The following PCDHGA12 variants were observed in gnomAD, a reference collection of about 807,000 sequenced individuals.
PCDHGA12 encodes protocadherin gamma-A12.
A neutral mutation model predicts 61.1 loss-of-function variants in PCDHGA12; 43 were observed. The ratio of observed to expected loss-of-function variants is 0.70; its 90% CI spans 0.55 to 0.91. The LOEUF is 0.91. PCDHGA12 is among the 40% of genes least tolerant of loss of function. The pLI, the probability that PCDHGA12 is intolerant of heterozygous loss-of-function variation, is 0.00. For missense variants in PCDHGA12, 1,236 were observed against 1,227.7 expected, an observed-to-expected ratio of 1.01 and a Z score of -0.10; for synonymous variants, 520 against 542.9, an observed-to-expected ratio of 0.96 and a Z score of 0.59.
At position 141,511,373 on chromosome 5, in the gene PCDHGA12, G is replaced by C. The variant is rs1361376059; in HGVS notation, c.*200G>C. 16 of 1,251,214 alleles carry C rather than the reference G, an allele frequency of 1.3e-5. No homozygotes were observed. Among genetic ancestry groups the C allele is most frequent in the Non-Finnish European group, 1.4e-5 (13 of 925,282 alleles). The allele number at this position is 1,251,214 out of a possible 1,614,324, so 77.5% of individuals were successfully genotyped here. A position where few individuals can be genotyped will look rare whatever the true frequency, so the allele number is the denominator to read the frequency against. ...CCCCCAGGGGGTTGAATATGCAAAAGCAGTTCCGCTGGGAACCCCCATCCA... is the reference window on the plus strand; with the variant it reads ...CCCCCAGGGGGTTGAATATGCAAAACCAGTTCCGCTGGGAACCCCCATCCA... On this transcript the variant is annotated 3_prime_UTR_variant, in exon 4 of 4. Transcript: ENST00000252085.
chr5:141,456,550 C>T (rs1017343381), intron 1 of PCDHGA12, among the ~76,000 whole-genome samples: 2 of 152,166 alleles, frequency 1.3e-5, no homozygotes, highest in African/African-American at 4.8e-5. Context: ...TGTAGCCACT[C>T]GGGGCTGAAG....
At chr5:141,460,459 T>A (rs2098989808) in intron 1 of PCDHGA12, among the ~76,000 whole-genome samples, 1 of 152,176 alleles carries the variant, frequency 6.6e-6, no homozygotes, top group South Asian at 2.1e-4. Flanking sequence ...ATTCATATTT[T>A]TTTCCAAAGG....
chr5:141,490,050 C>T lies in PCDHGA12; in HGVS notation c.2425-4757C>T, dbSNP rs1400735375. On this transcript the variant is annotated intron_variant, in intron 1 of 3. Transcript: ENST00000252085. This position sits in a 1 kb window ranked among gnomAD's most constrained non-coding sequence, Gnocchi z 5.4. ...TCCGCCTCAATGCCACTGATCCAGA[C>T]GAGGGCACCAACGGCCAACTAGACT... The T allele has an allele frequency of 1.2e-6, 2 of 1,614,224 alleles. No individual in the cohort carries two copies. The highest frequency in any genetic ancestry group is 1.7e-6 in the Non-Finnish European group (2 of 1,180,022).
intron 1 of PCDHGA12, among the ~76,000 whole-genome samples, chr5:141,433,999 A>G (rs1471657184): frequency 6.6e-6 from 1 of 152,070 alleles, no homozygotes; most frequent in Admixed American, 6.6e-5. Context: ...TATATTCTCT[A>G]TATATGTTTG....
chr5:141,433,921 T>G (rs1203867326), intron 1 of PCDHGA12, among the ~76,000 whole-genome samples: 2 of 152,012 alleles, frequency 1.3e-5, no homozygotes, highest in African/African-American at 4.8e-5. Flanking sequence ...CACCTCCAAA[T>G]GAAGATTTTA....
At position 141,486,873 on chromosome 5, in the gene PCDHGA12, G is replaced by A. The variant is rs769661146; in HGVS notation, c.2425-7934G>A. On this transcript the variant is annotated intron_variant, in intron 1 of 3. Transcript: ENST00000252085. This position sits in a 1 kb window ranked among gnomAD's most constrained non-coding sequence, Gnocchi z 5.0. ...AATGACAATGCTCCAGCTGTGCTCCGTCCTCGGGCCCGGCCTGGTTCCTTA... is the reference window on the plus strand; with the variant it reads ...AATGACAATGCTCCAGCTGTGCTCCATCCTCGGGCCCGGCCTGGTTCCTTA... 1.6e-5 allele frequency: 26 copies of A among 1,614,082 alleles called. No individual in the cohort carries two copies. Among genetic ancestry groups the A allele is most frequent in the African/African-American group, 4.0e-5 (3 of 74,922 alleles).
rs919100488 is a variant in PCDHGA12 at position 141,511,573 on chromosome 5, G to A, written c.*400G>A. On this transcript the variant is annotated 3_prime_UTR_variant, in exon 4 of 4. Transcript: ENST00000252085. ...ACAGTTCCTCTTTCCCGAGTAAGGT[G>A]GTTGGGGTGTTGAAGTACCAAGTAA... 1.1e-4 allele frequency: 33 copies of A among 288,248 alleles called. No individual in the cohort carries two copies. Among genetic ancestry groups the A allele is most frequent in the African/African-American group, 7.1e-4 (33 of 46,356 alleles). The allele number at this position is 288,248 out of a possible 1,614,324, so 17.9% of individuals were successfully genotyped here.
At position 141,430,603 on chromosome 5, in the gene PCDHGA12, C is replaced by A; in HGVS notation, c.-157C>A. On this transcript the variant is annotated 5_prime_UTR_variant, in exon 1 of 4. Coordinates refer to ENST00000252085, the MANE Select transcript of PCDHGA12 (RefSeq NM_003735.3). ...CTGCTCGCCTTGCACGCGCCTGAAG[C>A]ACAAAGCAGATAGCTAGGAATGAAC... The A allele has an allele frequency of 1.6e-6, 1 of 632,906 alleles. No individual in the cohort carries two copies. The highest frequency in any genetic ancestry group is 2.5e-6 in the Non-Finnish European group (1 of 408,048). The allele number at this position is 632,906 out of a possible 1,614,324, so 39.2% of individuals were successfully genotyped here.
chr5:141,478,799 CTT>C, intron 1 of PCDHGA12: 1 of 1,463,738 alleles, frequency 6.8e-7, no homozygotes, highest in Non-Finnish European at 9.0e-7. Flanking sequence ...CCTCAGCACT[CTT>C]TTGCTATCAC....
At position 141,432,995 on chromosome 5, in the gene PCDHGA12, G is replaced by A. The variant is rs576866505; in HGVS notation, c.2236G>A (p.Val746Met). The change falls in exon 1 of 4, where the codon GTG becomes ATG. Residue 746 changes from valine to methionine, a missense_variant. Transcript: ENST00000252085. This position sits in a 1 kb window ranked among gnomAD's most constrained non-coding sequence, Gnocchi z 6.0. ...PASHFVGVDG[V>M]QAFLQTYSHE... is the part of the protein sequence containing the mutation. ...GTCGCACTTTGTGGGCGTGGACGGGGTGCAGGCTTTCCTGCAGACCTATTC... is the reference window on the plus strand; with the variant it reads ...GTCGCACTTTGTGGGCGTGGACGGGATGCAGGCTTTCCTGCAGACCTATTC... The A allele has an allele frequency of 1.2e-6, 2 of 1,614,226 alleles. No individual in the cohort carries two copies. The highest frequency in any genetic ancestry group is 3.3e-5 in the Admixed American group (2 of 60,028).
chr5:141,478,381 C>A (rs931860600), intron 1 of PCDHGA12: 1 of 1,613,664 alleles, frequency 6.2e-7, no homozygotes, highest in Admixed American at 1.7e-5. Flanking sequence ...TGTCGCCGCA[C>A]CTTTACCATC....
intron 2 of PCDHGA12, among the ~76,000 whole-genome samples, chr5:141,497,212 G>A (rs968445663): frequency 6.6e-6 from 1 of 150,900 alleles, no homozygotes; most frequent in Non-Finnish European, 1.5e-5. Flanking sequence ...AGTGTAATGG[G>A]GGGGGGAAGA....
In PCDHGA12 at chr5:141,459,848, C is replaced by T. The variant is rs573481876; in HGVS notation, c.2424+26665C>T. Among the ~76,000 whole-genome samples the T allele has an allele frequency of 1.1e-4, 16 of 152,244 alleles. No homozygotes were observed. In the South Asian group the frequency reaches 2.5e-3, roughly 24 times the overall value. ...TTTCATGTGTTGTCTATTTGTATATCTTCTTGAAGCATTCGTTCATCTTTA... is the reference window on the plus strand; with the variant it reads ...TTTCATGTGTTGTCTATTTGTATATTTTCTTGAAGCATTCGTTCATCTTTA... On this transcript the variant is annotated intron_variant, in intron 1 of 3. Transcript: ENST00000252085.
At chr5:141,450,565 C>T (rs1024229182) in intron 1 of PCDHGA12, among the ~76,000 whole-genome samples, 2 of 152,016 alleles carry the variant, frequency 1.3e-5, no homozygotes, top group Non-Finnish European at 2.9e-5. Context: ...CGGCTCACTG[C>T]AACTTCTGCC....
At chr5:141,436,611 C>T (rs893312137) in intron 1 of PCDHGA12, among the ~76,000 whole-genome samples, 1 of 152,126 alleles carries the variant, frequency 6.6e-6, no homozygotes, top group Non-Finnish European at 1.5e-5. Context: ...CTAGGGCTAA[C>T]AAAAATCTGA....
At position 141,487,670 on chromosome 5, in the gene PCDHGA12, T is replaced by C. The variant is rs2099658277; in HGVS notation, c.2425-7137T>C. 2 of 1,612,302 alleles carry C rather than the reference T, an allele frequency of 1.2e-6. No homozygotes were observed. Among genetic ancestry groups the C allele is most frequent in the Non-Finnish European group, 1.7e-6 (2 of 1,179,082 alleles). On this transcript the variant is annotated intron_variant, in intron 1 of 3. Transcript: ENST00000252085. The surrounding 1 kb of genome is among the most constrained non-coding windows in gnomAD (Gnocchi z 5.0). The stretch of plus-strand genomic sequence containing the variant: ...TGAGGGTTATTCTGATCCAGGCATA[T>C]GGCTAGGCCATGTCCTAGAGAGTAC...
chr5:141,478,394 G>T (rs2099453142), intron 1 of PCDHGA12: 4 of 1,613,586 alleles, frequency 2.5e-6, no homozygotes, highest in Non-Finnish European at 3.4e-6. Flanking sequence ...TTACCATCAG[G>T]TGTATCTCAC....
intron 1 of PCDHGA12, among the ~76,000 whole-genome samples, chr5:141,454,730 A>C (rs2098797371): frequency 6.7e-6 from 1 of 150,092 alleles, no homozygotes; most frequent in Admixed American, 6.7e-5. Context: ...TATATGTTAT[A>C]GGATGAAAAG....
rs2233613 is a variant in PCDHGA12 at position 141,511,203 on chromosome 5, G to A, written c.*30G>A. 0.14 allele frequency: 222,603 copies of A among 1,611,360 alleles called. 15,640 individuals carry two copies. The highest frequency in any genetic ancestry group is 0.18 in the Admixed American group (10,873 of 59,374). ...GAGGCCAGGCCAAGAGCCACAGGGC[G>A]GCCTCTCCCCAACCAGCCCAGCTTC... On this transcript the variant is annotated 3_prime_UTR_variant, in exon 4 of 4. Transcript: ENST00000252085.
Sources: allele counts gnomAD v4.1 joint callset (sites outside exome capture counted in the v4.1 genomes callset), GRCh38; gene constraint gnomAD v4.1.1; non-coding constraint Gnocchi (gnomAD v3.1); transcripts MANE v1.5; gene names NCBI Gene and HGNC (gene_info 2026-07-23, HGNC 2026-07-21).